The following IFNG-AS1 variants were observed in gnomAD, a reference collection of about 807,000 sequenced individuals.
IFNG-AS1 encodes IFNG regulatory antisense RNA 1.
At chr12:68,020,789 C>G (rs1490346135) in intron 4 of IFNG-AS1, 1 of 152,088 alleles carries the variant, frequency 6.6e-6, no homozygotes, top group African/African-American at 2.4e-5. Context: ...GAAGTGACAA[C>G]AAAAACAGCA....
At chr12:67,995,494 G>A (rs527418645) in intron 1 of IFNG-AS1, among the ~76,000 whole-genome samples, 1 of 147,648 alleles carries the variant, frequency 6.8e-6, no homozygotes, top group Admixed American at 6.8e-5. Flanking sequence ...AGGCCGAGGC[G>A]GGCAGATTAC....
At chr12:67,990,260 T>C (rs1319044797) in intron 1 of IFNG-AS1, among the ~76,000 whole-genome samples, 1 of 152,262 alleles carries the variant, frequency 6.6e-6, no homozygotes, top group Non-Finnish European at 1.5e-5. Context: ...TTAAATTGAC[T>C]TCTTAATGTT....
intron 1 of IFNG-AS1, among the ~76,000 whole-genome samples, chr12:67,995,101 C>A (rs1279701146): frequency 6.6e-6 from 1 of 152,036 alleles, no homozygotes. Flanking sequence ...AGGGTTGGAC[C>A]AGGCTTTTGA....
chr12:68,015,457 C>T (rs937275495), intron 3 of IFNG-AS1, among the ~76,000 whole-genome samples: 13 of 152,082 alleles, frequency 8.5e-5, no homozygotes, highest in African/African-American at 3.1e-4. Context: ...GCAATCCCAC[C>T]CCTCTGGCAG....
At chr12:67,991,076 A>C (rs1039117199) in intron 1 of IFNG-AS1, among the ~76,000 whole-genome samples, 1 of 152,184 alleles carries the variant, frequency 6.6e-6, no homozygotes, top group African/African-American at 2.4e-5. Context: ...CGGGACACAC[A>C]CATATCACAG....
intron 1 of IFNG-AS1, among the ~76,000 whole-genome samples, chr12:67,995,362 A>G (rs1879612015): frequency 7.0e-6 from 1 of 143,096 alleles, no homozygotes; most frequent in African/African-American, 2.6e-5. Context: ...CGGAGGCTGC[A>G]GTGAGCTGAG....
chr12:68,009,527 G>A (rs1879978555), intron 3 of IFNG-AS1, among the ~76,000 whole-genome samples: 1 of 152,126 alleles, frequency 6.6e-6, no homozygotes, highest in African/African-American at 2.4e-5. Flanking sequence ...ATTTTTAGTA[G>A]AGACGGGATT....
chr12:67,993,134 G>A (rs1444426985), intron 1 of IFNG-AS1, among the ~76,000 whole-genome samples: 2 of 152,112 alleles, frequency 1.3e-5, no homozygotes, highest in African/African-American at 4.8e-5. Context: ...TAAGCATCAA[G>A]GTTCTGGGGC....
intron 1 of IFNG-AS1, among the ~76,000 whole-genome samples, chr12:67,992,255 T>C (rs745636738): frequency 1.3e-5 from 2 of 152,262 alleles, no homozygotes; most frequent in Non-Finnish European, 2.9e-5. Context: ...CACCATTAAA[T>C]TGTTGAGGTT....
intron 2 of IFNG-AS1, among the ~76,000 whole-genome samples, chr12:67,998,636 T>C (rs1174579246): frequency 2.6e-5 from 4 of 151,638 alleles, no homozygotes; most frequent in African/African-American, 9.7e-5. Flanking sequence ...ACCAAAAATA[T>C]AAATAAATGA....
chr12:68,012,719 A>G (rs533709017), intron 3 of IFNG-AS1, among the ~76,000 whole-genome samples: 2 of 152,316 alleles, frequency 1.3e-5, no homozygotes, highest in South Asian at 4.1e-4. Flanking sequence ...CCATCACTGT[A>G]TATCTATTAT....
At chr12:68,003,196 T>A (rs1014358594) in intron 2 of IFNG-AS1, among the ~76,000 whole-genome samples, 1 of 152,192 alleles carries the variant, frequency 6.6e-6, no homozygotes, top group Non-Finnish European at 1.5e-5. Flanking sequence ...TTTTAATCAG[T>A]CTTTTATTGT....
At chr12:68,012,329 T>C (rs1329350640) in intron 3 of IFNG-AS1, among the ~76,000 whole-genome samples, 8 of 152,222 alleles carry the variant, frequency 5.3e-5, no homozygotes, top group Admixed American at 4.6e-4. Flanking sequence ...TGAGGCTCTC[T>C]TCTATCCCAT....
At chr12:67,996,426 T>C (rs890243316) in intron 2 of IFNG-AS1, among the ~76,000 whole-genome samples, 7 of 152,246 alleles carry the variant, frequency 4.6e-5, no homozygotes, top group African/African-American at 1.7e-4. Context: ...ACAAATTGAA[T>C]GGTGAATCAG....
intron 2 of IFNG-AS1, among the ~76,000 whole-genome samples, chr12:68,003,928 G>A (rs868171843): frequency 2.9e-5 from 2 of 67,916 alleles, no homozygotes; most frequent in African/African-American, 4.6e-5. Context: ...AAAAGAATCC[G>A]TATTAATTTG....
At chr12:68,017,029 A>G (rs1477061045) in intron 3 of IFNG-AS1, among the ~76,000 whole-genome samples, 3 of 152,200 alleles carry the variant, frequency 2.0e-5, no homozygotes, top group Non-Finnish European at 4.4e-5. Flanking sequence ...AGAAAAGAAC[A>G]GAGTGCCCTA....
chr12:68,014,658 C>A (rs1565692241), intron 3 of IFNG-AS1, among the ~76,000 whole-genome samples: 1 of 152,144 alleles, frequency 6.6e-6, no homozygotes, highest in Non-Finnish European at 1.5e-5. Flanking sequence ...GGTTTGCCAG[C>A]AGACTGCTTT....
At chr12:67,997,871 T>C (rs141974133) in intron 2 of IFNG-AS1, among the ~76,000 whole-genome samples, 46 of 151,878 alleles carry the variant, frequency 3.0e-4, no homozygotes, top group African/African-American at 1.1e-3. Context: ...AAAAGATATA[T>C]AAAAAACCTT....
At chr12:68,003,685 C>G (rs558672126) in intron 2 of IFNG-AS1, among the ~76,000 whole-genome samples, 1 of 152,014 alleles carries the variant, frequency 6.6e-6, no homozygotes, top group East Asian at 1.9e-4. Context: ...GAGGCCAAGG[C>G]GGGTGGATCA....
Sources: allele counts gnomAD v4.1 joint callset (sites outside exome capture counted in the v4.1 genomes callset), GRCh38; gene constraint gnomAD v4.1.1; transcripts MANE v1.5; gene names NCBI Gene and HGNC (gene_info 2026-07-23, HGNC 2026-07-21).